The following SLC25A13 variants were observed in gnomAD, a reference collection of about 807,000 sequenced individuals.
SLC25A13 encodes solute carrier family 25 member 13, also known as electrogenic aspartate/glutamate antiporter SLC25A13, mitochondrial.
Under a neutral mutation model 85.5 loss-of-function variants are expected in SLC25A13, and 70 were observed. The ratio of observed to expected loss-of-function variants is 0.82; its 90% CI spans 0.68 to 1.00. The LOEUF (loss-of-function observed/expected upper bound fraction) is 1.00, where lower values mean the gene tolerates loss of function less well. Ranked by LOEUF, SLC25A13 falls within the 50% of genes least tolerant of loss-of-function variation. SLC25A13 has a pLI of 0.00. For synonymous variants in SLC25A13, 259 were observed against 288.7 expected (o/e 0.90, Z 1.04); for missense variants, 765 against 819.8 (o/e 0.93, Z 0.82).
chr7:96,170,773 C>G (rs1181203627), intron 12 of SLC25A13, among the ~76,000 whole-genome samples: 1 of 152,184 alleles, frequency 6.6e-6, no homozygotes, highest in Non-Finnish European at 1.5e-5. Context: ...ATTTCAGGCT[C>G]CAAAGCTACG....
At chr7:96,205,636 T>A (rs1795430389) in intron 5 of SLC25A13, among the ~76,000 whole-genome samples, 1 of 152,228 alleles carries the variant, frequency 6.6e-6, no homozygotes, top group Admixed American at 6.5e-5. Context: ...GATGCAAAGT[T>A]CAAATCAGTC....
intron 3 of SLC25A13, among the ~76,000 whole-genome samples, chr7:96,249,959 G>A (rs1797350770): frequency 6.6e-6 from 1 of 151,560 alleles, no homozygotes; most frequent in Non-Finnish European, 1.5e-5. Flanking sequence ...TAAGGCGGGC[G>A]GATCATCTGA....
chr7:96,139,489 T>C (rs1251202609), intron 14 of SLC25A13, among the ~76,000 whole-genome samples: 2 of 152,220 alleles, frequency 1.3e-5, no homozygotes, highest in African/African-American at 4.8e-5. Flanking sequence ...ACATATTAGA[T>C]ACAAAACCTG....
chr7:96,154,169 T>C (rs190062768), intron 13 of SLC25A13, among the ~76,000 whole-genome samples: 1 of 152,148 alleles, frequency 6.6e-6, no homozygotes, highest in Non-Finnish European at 1.5e-5. Flanking sequence ...AAAAATCGTG[T>C]AGAGGATCTT....
At chr7:96,169,590 C>T (rs539146976) in intron 13 of SLC25A13, among the ~76,000 whole-genome samples, 1 of 152,148 alleles carries the variant, frequency 6.6e-6, no homozygotes, top group South Asian at 2.1e-4. Flanking sequence ...GCATTGTTCT[C>T]CCAAAAGCAG....
chr7:96,173,464 G>A (rs943613107), intron 11 of SLC25A13, among the ~76,000 whole-genome samples: 2 of 152,208 alleles, frequency 1.3e-5, no homozygotes, highest in African/African-American at 2.4e-5. Context: ...TCAACTCTGT[G>A]TTAATGTGCA....
chr7:96,263,037 A>AC (rs1296945409), intron 3 of SLC25A13, among the ~76,000 whole-genome samples: 4 of 151,630 alleles, frequency 2.6e-5, no homozygotes, highest in Non-Finnish European at 4.4e-5. Flanking sequence ...AAAAAAAAAA[A>AC]AAAAAAAACA....
intron 13 of SLC25A13, among the ~76,000 whole-genome samples, chr7:96,162,531 G>A (rs2116544998): frequency 6.6e-6 from 1 of 152,242 alleles, no homozygotes; most frequent in African/African-American, 2.4e-5. Flanking sequence ...GCACAAAGAT[G>A]AGGTTTGCCA....
At position 96,144,761 on chromosome 7, in the gene SLC25A13, T is replaced by C. The variant is rs140471884; in HGVS notation, c.1452+1795A>G. On this transcript the variant is annotated intron_variant, in intron 14 of 17. Coordinates refer to ENST00000265631, the MANE Select transcript of SLC25A13 (RefSeq NM_014251.3). ...AAAGGGGATTAAGATTATTAAATAA[T>C]GTGAAGATGAAAAGCACTAAGTCCC... Among the ~76,000 whole-genome samples, 942 of 152,322 alleles carry C rather than the reference T, an allele frequency of 6.2e-3. 5 individuals carry two copies. Among genetic ancestry groups the C allele is most frequent in the African/African-American group, 0.022 (901 of 41,582 alleles).
At chr7:96,249,679 C>A (rs916676544) in intron 3 of SLC25A13, among the ~76,000 whole-genome samples, 25 of 152,066 alleles carry the variant, frequency 1.6e-4, no homozygotes, top group Non-Finnish European at 8.8e-5. Context: ...CAGGCCATTA[C>A]AACACAGAAC....
intron 15 of SLC25A13, 39 bp from the exon 16 acceptor site, chr7:96,122,036 T>A: frequency 6.2e-7 from 1 of 1,612,982 alleles, no homozygotes; most frequent in East Asian, 2.2e-5. Flanking sequence ...TCTGGTCACA[T>A]TCTCACTATA....
intron 5 of SLC25A13, among the ~76,000 whole-genome samples, chr7:96,197,132 C>A (rs778471713): frequency 6.6e-6 from 1 of 152,188 alleles, no homozygotes; most frequent in Non-Finnish European, 1.5e-5. Flanking sequence ...TAATACTTCA[C>A]TCAACTGCAT....
At chr7:96,213,340 T>G (rs1353334985) in intron 4 of SLC25A13, among the ~76,000 whole-genome samples, 1 of 152,232 alleles carries the variant, frequency 6.6e-6, no homozygotes, top group East Asian at 1.9e-4. Flanking sequence ...ACTTAACATT[T>G]GATTGTTTAA....
chr7:96,190,232 G>A (rs962045427), intron 7 of SLC25A13, among the ~76,000 whole-genome samples: 2 of 151,532 alleles, frequency 1.3e-5, no homozygotes, highest in African/African-American at 4.8e-5. Context: ...CTACAGGTGT[G>A]TGCCACCATG....
intron 1 of SLC25A13, among the ~76,000 whole-genome samples, chr7:96,302,367 G>A (rs746580303): frequency 3.9e-5 from 6 of 152,124 alleles, no homozygotes; most frequent in Non-Finnish European, 8.8e-5. Flanking sequence ...TTTTTAAACA[G>A]ACTTTCTTAC....
chr7:96,244,925 T>C (rs3936185), intron 3 of SLC25A13, among the ~76,000 whole-genome samples: 82,413 of 152,030 alleles, frequency 0.54, 23,889 homozygotes, highest in Non-Finnish European at 0.64. Flanking sequence ...ATATCACCTC[T>C]GCATATATCA....
At chr7:96,239,009 ATATATAT>A (rs1796855414) in intron 3 of SLC25A13, among the ~76,000 whole-genome samples, 1 of 140,270 alleles carries the variant, frequency 7.1e-6, no homozygotes, top group Admixed American at 7.5e-5. Context: ...CATATATATA[ATATATAT>A]TATATATATG....
At chr7:96,306,183 G>T (rs1382895355) in intron 1 of SLC25A13, among the ~76,000 whole-genome samples, 1 of 152,190 alleles carries the variant, frequency 6.6e-6, no homozygotes, top group Non-Finnish European at 1.5e-5. Flanking sequence ...GCAAATCTAT[G>T]ATTTCAGCCA....
At chr7:96,197,468 A>G (rs2116679052) in intron 5 of SLC25A13, among the ~76,000 whole-genome samples, 1 of 152,240 alleles carries the variant, frequency 6.6e-6, no homozygotes, top group East Asian at 1.9e-4. Context: ...AGGAGGAAAA[A>G]ATTAAATCAG....
Sources: allele counts gnomAD v4.1 joint callset (sites outside exome capture counted in the v4.1 genomes callset), GRCh38; gene constraint gnomAD v4.1.1; transcripts MANE v1.5; gene names NCBI Gene and HGNC (gene_info 2026-07-23, HGNC 2026-07-21).